Variants in KIDINS220 observed in about 807,000 individuals in gnomAD.
KIDINS220 encodes kinase D-interacting substrate of 220 kDa.
KIDINS220 carries 63 observed loss-of-function variants against 157.6 expected under a neutral mutation model. That is an observed-to-expected ratio of 0.40 (90% CI 0.33 to 0.49). KIDINS220 has a LOEUF of 0.49. Ranked by LOEUF, KIDINS220 falls within the 20% of genes least tolerant of loss-of-function variation. The pLI, the probability that KIDINS220 is intolerant of heterozygous loss-of-function variation, is 0.66. For synonymous variants in KIDINS220, 732 were observed against 783.6 expected, an observed-to-expected ratio of 0.93 and a Z score of 1.10; for missense variants, 1,772 against 2,171.2, an observed-to-expected ratio of 0.82 and a Z score of 3.65.
At chr2:8,780,611 A>T (rs1166278188) in intron 17 of KIDINS220, among the ~76,000 whole-genome samples, 1 of 151,966 alleles carries the variant, frequency 6.6e-6, no homozygotes, top group Non-Finnish European at 1.5e-5. Context: ...TGAAATTAGT[A>T]ACAACAATGA....
intron 2 of KIDINS220, among the ~76,000 whole-genome samples, chr2:8,820,973 T>A (rs1677869651): frequency 6.6e-6 from 1 of 152,052 alleles, no homozygotes; most frequent in African/African-American, 2.4e-5. Flanking sequence ...AAACTCTAAA[T>A]CCACAGTCCT....
intron 6 of KIDINS220, among the ~76,000 whole-genome samples, chr2:8,808,722 TC>T (rs1469042254): frequency 1.3e-5 from 2 of 152,220 alleles, no homozygotes; most frequent in Non-Finnish European, 2.9e-5. Context: ...AGGCCCTTAC[TC>T]AATAATCTCC....
chr2:8,724,973 G>A (rs1663183338), downstream of KIDINS220: 1 of 152,038 alleles, frequency 6.6e-6, no homozygotes, highest in South Asian at 2.1e-4. This position sits in a 1 kb window ranked among gnomAD's most constrained non-coding sequence, Gnocchi z 4.6. Context: ...CTGAGATCTA[G>A]GATTTGGTCT....
chr2:8,722,753 G>C (rs1663034528), downstream of KIDINS220: 1 of 152,084 alleles, frequency 6.6e-6, no homozygotes, highest in Non-Finnish European at 1.5e-5. Context: ...CTTGCCTTTG[G>C]GAGGCTGAGG....
rs149545417 is a variant in KIDINS220 at position 8,759,141 on chromosome 2, T to C, written c.3012-7497A>G. Among the ~76,000 whole-genome samples, 432 of 152,352 alleles carry C rather than the reference T, an allele frequency of 2.8e-3. 2 individuals are homozygous for C. The highest frequency in any genetic ancestry group is 9.8e-3 in the African/African-American group (409 of 41,574). ...GAAACAACGAAGTGCTTATATATTC[T>C]GCAGGCCAAATAGATCATCATGGCA... On this transcript the variant is annotated intron_variant, in intron 22 of 29. Coordinates refer to ENST00000256707, the MANE Select transcript of KIDINS220 (RefSeq NM_020738.4).
At position 8,818,773 on chromosome 2, in the gene KIDINS220, C is replaced by T; in HGVS notation, c.129G>A (p.Met43Ile). 1 of 1,608,384 alleles carries T rather than the reference C, an allele frequency of 6.2e-7. No homozygotes were observed. Among genetic ancestry groups the T allele is most frequent in the Non-Finnish European group, 8.5e-7 (1 of 1,175,968 alleles). Residue 43 changes from methionine to isoleucine, a missense_variant, in exon 3 of 30, where the codon ATG becomes ATA. Coordinates refer to ENST00000256707, the MANE Select transcript of KIDINS220 (RefSeq NM_020738.4). The part of the protein sequence containing the change: ...ERNECGQTPL[M>I]IAAEQGNLEI... ...CCAGATTGCCTTGTTCGGCAGCTAT[C>T]ATCAGTGGAGTCTGGCCACACTAGA... is the stretch of plus-strand genomic sequence containing the variant.
rs762831109 is a variant in KIDINS220, at chr2:8,793,953, C to CCACGAATA, written c.1125_1132dup (p.Gly378ValfsTer14). 1 of 1,613,038 alleles carries CCACGAATA rather than the reference C, an allele frequency of 6.2e-7. No individual in the cohort carries two copies. The highest frequency in any genetic ancestry group is 1.3e-5 in the African/African-American group (1 of 74,928). On this transcript the variant is annotated frameshift_variant, in exon 12 of 30. Coordinates refer to ENST00000256707, the MANE Select transcript of KIDINS220 (RefSeq NM_020738.4). LOFTEE classifies it high-confidence loss of function. ...CAGTTCTGCCAGTTTCCGGCTCCTT[C>CCACGAATA]CACGAATAGCAATATGCAAGGGAGT...
downstream of KIDINS220, among the ~76,000 whole-genome samples, chr2:8,728,481 G>C (rs866908327): frequency 6.6e-5 from 10 of 152,334 alleles, no homozygotes; most frequent in South Asian, 1.2e-3. Flanking sequence ...ATCAGACTGA[G>C]CTATAAACAG....
At chr2:8,726,209 C>T (rs140998823), downstream of KIDINS220, among the ~76,000 whole-genome samples, 778 of 152,306 alleles carry the variant, frequency 5.1e-3, 3 homozygotes, top group African/African-American at 0.018. Flanking sequence ...CAAAATGCCA[C>T]ACTGTACTGG....
intron 8 of KIDINS220, among the ~76,000 whole-genome samples, chr2:8,802,565 G>C (rs923420420): frequency 2.6e-5 from 4 of 152,194 alleles, no homozygotes; most frequent in Non-Finnish European, 1.5e-5. Flanking sequence ...CAAGGCATCT[G>C]TTTTATTGTA....
intron 22 of KIDINS220, among the ~76,000 whole-genome samples, chr2:8,754,177 G>T (rs1455824487): frequency 6.6e-6 from 1 of 152,140 alleles, no homozygotes; most frequent in Non-Finnish European, 1.5e-5. Flanking sequence ...CAAATTAACT[G>T]CATTTTAATG....
At chr2:8,779,201 T>C in intron 18 of KIDINS220, 62 bp from the exon 19 acceptor site, 10 of 1,564,218 alleles carry the variant, frequency 6.4e-6, no homozygotes, top group Non-Finnish European at 8.7e-6. Context: ...GAATAAGGCA[T>C]CTCTTCAAAA....
At chr2:8,753,781 C>A (rs1667666090) in intron 22 of KIDINS220, among the ~76,000 whole-genome samples, 1 of 151,986 alleles carries the variant, frequency 6.6e-6, no homozygotes, top group Admixed American at 6.6e-5. Flanking sequence ...GGCTAGTAGC[C>A]AAATATTGAA....
At chr2:8,759,069 C>T (rs1267336659) in intron 22 of KIDINS220, among the ~76,000 whole-genome samples, 1 of 152,180 alleles carries the variant, frequency 6.6e-6, no homozygotes, top group Non-Finnish European at 1.5e-5. Context: ...TCAAGGTCTA[C>T]AAAAGTAAGT....
Position 8,730,104 on chromosome 2 carries a change from C to G in KIDINS220, c.*616G>C. On this transcript the variant is annotated 3_prime_UTR_variant, in exon 30 of 30. Coordinates refer to ENST00000256707, the MANE Select transcript of KIDINS220 (RefSeq NM_020738.4). ...AACAGCTCAGGACAGCCCCGTCACACTACTGCCAGCCCTGGTGACTCACTT... is the reference window on the plus strand; with the variant it reads ...AACAGCTCAGGACAGCCCCGTCACAGTACTGCCAGCCCTGGTGACTCACTT... 1.0e-6 allele frequency: 1 copy of G among 985,888 alleles called. No homozygotes were observed. Among genetic ancestry groups the G allele is most frequent in the Non-Finnish European group, 1.2e-6 (1 of 830,278 alleles). The allele number at this position is 985,888 out of a possible 1,614,324, so 61.1% of individuals were successfully genotyped here.
chr2:8,826,989 A>C lies in KIDINS220; in HGVS notation c.105T>G (p.Asn35Lys). Residue 35 changes from asparagine to lysine, a missense_variant, in exon 2 of 30, where the codon AAT becomes AAG. Physicochemically the swap from Asn to Lys is moderately conservative, Grantham distance 94. This residue lies in a region of KIDINS220 where 254 missense variants were observed against 268.6 expected (regional missense o/e 0.95). Transcript: ENST00000256707. ...AATTTTGCAAACTTGGTCTTACCTC[A>C]TTTCTCTCATCTACATCTTTGCATT... ...LEKCKDVDER[N>K]ECGQTPLMIA... is the part of the protein sequence containing the mutation. 3 of 1,576,638 alleles carry C rather than the reference A, an allele frequency of 1.9e-6. No individual in the cohort carries two copies. Among genetic ancestry groups the C allele is most frequent in the South Asian group, 1.1e-5 (1 of 88,996 alleles).
At chr2:8,777,315 G>A (rs1671100668) in intron 20 of KIDINS220, among the ~76,000 whole-genome samples, 1 of 152,076 alleles carries the variant, frequency 6.6e-6, no homozygotes, top group African/African-American at 2.4e-5. Flanking sequence ...TATTATTATT[G>A]TTAGACAGGG....
chr2:8,829,096 C>T (rs1679239003), intron 1 of KIDINS220, among the ~76,000 whole-genome samples: 3 of 152,158 alleles, frequency 2.0e-5, no homozygotes, highest in Non-Finnish European at 4.4e-5. Context: ...TATGATTCTA[C>T]TTATATAGCA....
At chr2:8,806,199 A>T in intron 7 of KIDINS220, 72 bp downstream of exon 7, 1 of 1,159,264 alleles carries the variant, frequency 8.6e-7, no homozygotes, top group Admixed American at 2.1e-5. Flanking sequence ...GCATACACTA[A>T]AGAAATAAAT....
Sources: gnomAD v4.1 joint callset for allele counts (sites outside exome capture counted in the v4.1 genomes callset) on GRCh38, gnomAD v4.1.1 for gene constraint, gnomAD v4.1.1 regional missense constraint, Gnocchi (gnomAD v3.1) non-coding constraint, MANE v1.5 for transcripts, NCBI Gene and HGNC (gene_info 2026-07-23, HGNC 2026-07-21) for gene names.